OR11L1: variants seen among roughly 807,000 people sequenced by gnomAD.
The protein encoded by OR11L1 is olfactory receptor family 11 subfamily L member 1.
For synonymous variants in OR11L1, 164 were observed against 159.1 expected, an observed-to-expected ratio of 1.03 and a Z score of -0.23; for missense variants, 397 against 392.7, an observed-to-expected ratio of 1.01 and a Z score of -0.09.
At position 247,841,800 on chromosome 1, in the gene OR11L1, G is replaced by A; in HGVS notation, c.97C>T (p.Leu33Phe). The A allele has an allele frequency of 6.2e-7, 1 of 1,614,134 alleles. No individual in the cohort carries two copies. The highest frequency in any genetic ancestry group is 8.5e-7 in the Non-Finnish European group (1 of 1,180,024). Residue 33 changes from leucine to phenylalanine, a missense_variant, in exon 1 of 1, where the codon CTC (leucine) becomes TTC (phenylalanine). Coordinates refer to ENST00000355784, the MANE Select transcript of OR11L1 (RefSeq NM_001001959.1). ...CCTATAATGGTCAGGCAGTAGATGAGCAGGAAAATGACAAAGAGCAGGGCC... is the reference window on the plus strand; with the variant it reads ...CCTATAATGGTCAGGCAGTAGATGAACAGGAAAATGACAAAGAGCAGGGCC... ...WQALLFVIFL[L>F]IYCLTIIGNV...
chr1:247,841,221 A>C lies in OR11L1; in HGVS notation c.676T>G (p.Leu226Val). The change falls in exon 1 of 1, where the codon TTG (leucine) becomes GTG (valine). Residue 226 changes from leucine (L) to valine (V), a missense_variant. Physicochemically the swap from Leu to Val is conservative, Grantham distance 32. Coordinates refer to ENST00000355784, the MANE Select transcript of OR11L1 (RefSeq NM_001001959.1). ...CGGCCAGAGGTGGAAGGGATTCTCAATATGGAGGACACAATGAAAACATAG... is the reference window on the plus strand; with the variant it reads ...CGGCCAGAGGTGGAAGGGATTCTCACTATGGAGGACACAATGAAAACATAG... Reference protein sequence around the residue: ...GPYVFIVSSILRIPSTSGRRK... With the variant: ...GPYVFIVSSIVRIPSTSGRRK... The C allele has an allele frequency of 6.2e-7, 1 of 1,614,208 alleles. No homozygotes were observed.
At position 247,841,397 on chromosome 1, in the gene OR11L1, T is replaced by C. The variant is rs773344770; in HGVS notation, c.500A>G (p.Asp167Gly). Residue 167 changes from aspartate (D) to glycine (G), a missense_variant, in exon 1 of 1, where the codon GAC (aspartate) becomes GGC (glycine). Physicochemically the swap from Asp to Gly is moderately conservative, Grantham distance 94 (BLOSUM62 -1). Coordinates refer to ENST00000355784, the MANE Select transcript of OR11L1 (RefSeq NM_001001959.1). ...GTTAATCTGATTGCGCCCACAGAAG[T>C]CCAACCTGGAAATCATCAGGGAAGG... is the stretch of plus-strand genomic sequence containing the variant. ...FLPSLMISRL[D>G]FCGRNQINHF... The C allele has an allele frequency of 6.2e-7, 1 of 1,613,942 alleles. No homozygotes were observed.
rs1295138865 is a variant in OR11L1, at chr1:247,841,526, A to C, written c.371T>G (p.Leu124Arg). 4 of 1,614,018 alleles carry C rather than the reference A, an allele frequency of 2.5e-6. No individual in the cohort carries two copies. Among genetic ancestry groups the C allele is most frequent in the Non-Finnish European group, 3.4e-6 (4 of 1,179,944 alleles). ...GTAGCGGAGTGGGCTGCAGATGGCC[A>C]GGTAACGGTCATAGGCCATGAAGGC... ...LLAFMAYDRY[L>R]AICSPLRYPF... The change falls in exon 1 of 1, where the codon CTG becomes CGG. Residue 124 changes from leucine to arginine, a missense_variant. By Grantham distance (102) the Leu-to-Arg change is moderately radical. Coordinates refer to ENST00000355784, the MANE Select transcript of OR11L1 (RefSeq NM_001001959.1).
Position 247,841,700 on chromosome 1 carries a change from A to T in OR11L1, c.197T>A (p.Leu66His). ...CGTGTACCAGACCTCCAGAAAGGAGAGATGCTGGAGGAACATGTACATAGG... is the reference window on the plus strand; with the variant it reads ...CGTGTACCAGACCTCCAGAAAGGAGTGATGCTGGAGGAACATGTACATAGG... ...HSPMYMFLQH[L>H]SFLEVWYTST... The change falls in exon 1 of 1, where the codon CTC (leucine) becomes CAC (histidine). Residue 66 changes from leucine to histidine, a missense_variant. Physicochemically the swap from Leu to His is moderately conservative, Grantham distance 99. Coordinates refer to ENST00000355784, the MANE Select transcript of OR11L1 (RefSeq NM_001001959.1). 6.2e-7 allele frequency: 1 copy of T among 1,614,090 alleles called. No homozygotes were observed. The highest frequency in any genetic ancestry group is 1.3e-5 in the African/African-American group (1 of 75,048).
In OR11L1 at chr1:247,841,408, A is replaced by C. The variant is rs1372878880; in HGVS notation, c.489T>G (p.Ile163Met). Residue 163 changes from isoleucine (I) to methionine (M), a missense_variant, in exon 1 of 1, where the codon ATT becomes ATG. Physicochemically the swap from Ile to Met is conservative, Grantham distance 10. Transcript: ENST00000355784. ...TGCGCCCACAGAAGTCCAACCTGGA[A>C]ATCATCAGGGAAGGCAGAAAGCCTG... ...VSTGFLPSLM[I>M]SRLDFCGRNQ... is the part of the protein sequence containing the mutation. The C allele has an allele frequency of 1.2e-6, 2 of 1,614,190 alleles. No individual in the cohort carries two copies. The highest frequency in any genetic ancestry group is 1.1e-5 in the South Asian group (1 of 91,086).
Position 247,841,663 on chromosome 1 carries a change from C to T in OR11L1, c.234G>A (p.Val78=). The change falls in exon 1 of 1, where the codon GTG becomes GTA. Residue 78 remains valine, a synonymous_variant. Transcript: ENST00000355784. The part of the protein sequence containing the change: ...FLEVWYTSTT[V]PLLLANLLSW... ...ACAGCAGGTTGGCTAGGAGAAGGGG[C>T]ACAGTGGTGGACGTGTACCAGACCT... The T allele has an allele frequency of 1.9e-6, 3 of 1,614,104 alleles. No individual in the cohort carries two copies. The highest frequency in any genetic ancestry group is 1.1e-5 in the South Asian group (1 of 91,074).
chr1:247,841,443 C>T lies in OR11L1; in HGVS notation c.454G>A (p.Gly152Arg), dbSNP rs200231160. 1.9e-6 allele frequency: 3 copies of T among 1,614,072 alleles called. No homozygotes were observed. The African/African-American group carries it at 4.0e-5, about 22-fold the overall frequency. ...GAAGGCAGAAAGCCTGTGCTGACCC[C>T]TGTGCACCAGGAGACCACCACCAAC... ...ARLVVVSWCT[G>R]VSTGFLPSLM... Residue 152 changes from glycine to arginine, a missense_variant, in exon 1 of 1, where the codon GGG becomes AGG. Coordinates refer to ENST00000355784, the MANE Select transcript of OR11L1 (RefSeq NM_001001959.1).
rs1558342443 is a variant in OR11L1, at chr1:247,841,518, AG to A, written c.378del (p.Cys127AlafsTer35). ...AFMAYDRYLA[I>X]CSPLRYPFLM... ...AGGAAGGGGTAGCGGAGTGGGCTGCAGATGGCCAGGTAACGGTCATAGGCCA... is the reference window on the plus strand; with the variant it reads ...AGGAAGGGGTAGCGGAGTGGGCTGCAATGGCCAGGTAACGGTCATAGGCCA... On this transcript the variant is annotated frameshift_variant, in exon 1 of 1. Transcript: ENST00000355784. LOFTEE classifies it low-confidence loss of function (END_TRUNC). 1 of 1,614,112 alleles carries A rather than the reference AG, an allele frequency of 6.2e-7. No homozygotes were observed. Among genetic ancestry groups the A allele is most frequent in the African/African-American group, 1.3e-5 (1 of 75,042 alleles).
At position 247,841,276 on chromosome 1, in the gene OR11L1, C is replaced by T. The variant is rs1207565511; in HGVS notation, c.621G>A (p.Leu207=). The T allele has an allele frequency of 1.2e-6, 2 of 1,614,050 alleles. No homozygotes were observed. Among genetic ancestry groups the T allele is most frequent in the East Asian group, 4.5e-5 (2 of 44,894 alleles). Residue 207 remains leucine, a synonymous_variant, in exon 1 of 1, where the codon CTG becomes CTA. Transcript: ENST00000355784. The stretch of plus-strand genomic sequence containing the variant: ...CCAGTGTCAGAAAAAAACAAATGCA[C>T]AGCACGGCAATTGACAGGATGAAGA... ...VTIFILSIAV[L]CICFFLTLGP... is the part of the protein sequence containing the mutation.
At position 247,841,657 on chromosome 1, in the gene OR11L1, A is replaced by G. The variant is rs765527806; in HGVS notation, c.240T>C (p.Leu80=). ...EVWYTSTTVP[L]LLANLLSWGQ... ...CCCAGGACAGCAGGTTGGCTAGGAG[A>G]AGGGGCACAGTGGTGGACGTGTACC... The change falls in exon 1 of 1, where the codon CTT becomes CTC. Residue 80 remains leucine, a synonymous_variant. Transcript: ENST00000355784. 5 of 1,613,984 alleles carry G rather than the reference A, an allele frequency of 3.1e-6. No individual in the cohort carries two copies. The highest frequency in any genetic ancestry group is 4.2e-6 in the Non-Finnish European group (5 of 1,180,020).
chr1:247,841,004 T>C lies in OR11L1; in HGVS notation c.893A>G (p.Lys298Arg). 1.9e-6 allele frequency: 3 copies of C among 1,614,166 alleles called. No homozygotes were observed. Among genetic ancestry groups the C allele is most frequent in the Non-Finnish European group, 2.5e-6 (3 of 1,179,970 alleles). Residue 298 changes from lysine to arginine, a missense_variant, in exon 1 of 1, where the codon AAA becomes AGA. Physicochemically the swap from Lys to Arg is conservative, Grantham distance 26. Transcript: ENST00000355784. ...VIYSLRNKDFKEAVRKVMRRK... is the reference protein window; with the variant it reads ...VIYSLRNKDFREAVRKVMRRK... ...TCTCATGACCTTTCTAACAGCTTCT[T>C]TGAAGTCTTTGTTCCTCAAGCTGTA...
Position 247,841,830 on chromosome 1 carries a change from A to C in OR11L1, c.67T>G (p.Trp23Gly). The change falls in exon 1 of 1, where the codon TGG becomes GGG. Residue 23 changes from tryptophan (W) to glycine (G), a missense_variant. Coordinates refer to ENST00000355784, the MANE Select transcript of OR11L1 (RefSeq NM_001001959.1). ...QLLGFQNLLE[W>G]QALLFVIFLL... is the part of the protein sequence containing the mutation. Reference sequence around the variant, plus strand: ...AAAATGACAAAGAGCAGGGCCTGCCATTCAAGAAGGTTCTGGAATCCTAAC... The same window carrying C: ...AAAATGACAAAGAGCAGGGCCTGCCCTTCAAGAAGGTTCTGGAATCCTAAC... 1 of 1,614,152 alleles carries C rather than the reference A, an allele frequency of 6.2e-7. No homozygotes were observed. The highest frequency in any genetic ancestry group is 8.5e-7 in the Non-Finnish European group (1 of 1,180,002).
Position 247,841,101 on chromosome 1 carries a change from G to T in OR11L1, c.796C>A (p.Leu266Met). The T allele has an allele frequency of 6.2e-7, 1 of 1,614,178 alleles. No homozygotes were observed. Among genetic ancestry groups the T allele is most frequent in the Non-Finnish European group, 8.5e-7 (1 of 1,180,010 alleles). ...ATGATCTTGTTGATTTCAGGCAACA[G>T]GTGGGGACTGGGACACACATACATG... The part of the protein sequence containing the change: ...ISMYVCPSPH[L>M]LPEINKIISV... The change falls in exon 1 of 1, where the codon CTG (leucine) becomes ATG (methionine). Residue 266 changes from leucine to methionine, a missense_variant. Coordinates refer to ENST00000355784, the MANE Select transcript of OR11L1 (RefSeq NM_001001959.1).
rs541350033 is a variant in OR11L1 at position 247,841,095 on chromosome 1, G to A, written c.802C>T (p.Pro268Ser). Residue 268 changes from proline to serine, a missense_variant, in exon 1 of 1, where the codon CCT becomes TCT. Pro to Ser is a moderately conservative substitution (Grantham distance 74). Transcript: ENST00000355784. The part of the protein sequence containing the change: ...MYVCPSPHLL[P>S]EINKIISVFY... ...ACAGAAATGATCTTGTTGATTTCAGGCAACAGGTGGGGACTGGGACACACA... is the reference window on the plus strand; with the variant it reads ...ACAGAAATGATCTTGTTGATTTCAGACAACAGGTGGGGACTGGGACACACA... The A allele has an allele frequency of 1.2e-6, 2 of 1,614,112 alleles. No individual in the cohort carries two copies. The highest frequency in any genetic ancestry group is 1.3e-5 in the African/African-American group (1 of 75,048).
chr1:247,841,031 A>T lies in OR11L1; in HGVS notation c.866T>A (p.Ile289Asn). 1 of 1,614,226 alleles carries T rather than the reference A, an allele frequency of 6.2e-7. No individual in the cohort carries two copies. Among genetic ancestry groups the T allele is most frequent in the Non-Finnish European group, 8.5e-7 (1 of 1,180,032 alleles). Residue 289 changes from isoleucine (I) to asparagine (N), a missense_variant, in exon 1 of 1, where the codon ATC becomes AAC. Physicochemically the swap from Ile to Asn is moderately radical, Grantham distance 149. Coordinates refer to ENST00000355784, the MANE Select transcript of OR11L1 (RefSeq NM_001001959.1). ...TVVTPLLNPV[I>N]YSLRNKDFKE... ...GAAGTCTTTGTTCCTCAAGCTGTAG[A>T]TAACTGGGTTCAGCAGTGGTGTGAC... is the stretch of plus-strand genomic sequence containing the variant.
Position 247,841,011 on chromosome 1 carries a change from CT to C in OR11L1, c.885del (p.Asp296ThrfsTer10), listed in dbSNP as rs1558342106. 6.2e-7 allele frequency: 1 copy of C among 1,614,134 alleles called. No homozygotes were observed. Among genetic ancestry groups the C allele is most frequent in the Non-Finnish European group, 8.5e-7 (1 of 1,179,978 alleles). ...LNPVIYSLRN[K>X]DFKEAVRKVM... is the part of the protein sequence containing the mutation. Reference sequence around the variant, plus strand: ...ACCTTTCTAACAGCTTCTTTGAAGTCTTTGTTCCTCAAGCTGTAGATAACTG... The same window carrying C: ...ACCTTTCTAACAGCTTCTTTGAAGTCTTGTTCCTCAAGCTGTAGATAACTG... On this transcript the variant is annotated frameshift_variant, in exon 1 of 1. Transcript: ENST00000355784. LOFTEE classifies it low-confidence loss of function (END_TRUNC).
At position 247,841,398 on chromosome 1, in the gene OR11L1, C is replaced by T; in HGVS notation, c.499G>A (p.Asp167Asn). ...FLPSLMISRL[D>N]FCGRNQINHF... is the part of the protein sequence containing the mutation. ...TTAATCTGATTGCGCCCACAGAAGT[C>T]CAACCTGGAAATCATCAGGGAAGGC... Residue 167 changes from aspartate (D) to asparagine (N), a missense_variant, in exon 1 of 1, where the codon GAC (aspartate) becomes AAC (asparagine). Coordinates refer to ENST00000355784, the MANE Select transcript of OR11L1 (RefSeq NM_001001959.1). 1 of 1,614,168 alleles carries T rather than the reference C, an allele frequency of 6.2e-7. No individual in the cohort carries two copies. Among genetic ancestry groups the T allele is most frequent in the African/African-American group, 1.3e-5 (1 of 75,038 alleles).
At position 247,841,197 on chromosome 1, in the gene OR11L1, G is replaced by C; in HGVS notation, c.700C>G (p.Arg234Gly). 6.2e-7 allele frequency: 1 copy of C among 1,614,130 alleles called. No homozygotes were observed. Among genetic ancestry groups the C allele is most frequent in the Middle Eastern group, 1.6e-4 (1 of 6,062 alleles). Residue 234 changes from arginine to glycine, a missense_variant, in exon 1 of 1, where the codon CGG (arginine) becomes GGG (glycine). Coordinates refer to ENST00000355784, the MANE Select transcript of OR11L1 (RefSeq NM_001001959.1). ...SILRIPSTSG[R>G]RKTFSTCGSH... The stretch of plus-strand genomic sequence containing the variant: ...CCACATGTGGAAAAGGTCTTTCTCC[G>C]GCCAGAGGTGGAAGGGATTCTCAAT...
At position 247,841,165 on chromosome 1, in the gene OR11L1, G is replaced by T. The variant is rs1035849674; in HGVS notation, c.732C>A (p.His244Gln). ...CGTAGTAGAGAGTGACAACAGCCAGGTGGGAGCCACATGTGGAAAAGGTCT... is the reference window on the plus strand; with the variant it reads ...CGTAGTAGAGAGTGACAACAGCCAGTTGGGAGCCACATGTGGAAAAGGTCT... ...RRKTFSTCGS[H>Q]LAVVTLYYGT... The change falls in exon 1 of 1, where the codon CAC (histidine) becomes CAA (glutamine). Residue 244 changes from histidine (H) to glutamine (Q), a missense_variant. By Grantham distance (24) the His-to-Gln change is conservative. Transcript: ENST00000355784. 1 of 1,614,052 alleles carries T rather than the reference G, an allele frequency of 6.2e-7. No homozygotes were observed. The highest frequency in any genetic ancestry group is 8.5e-7 in the Non-Finnish European group (1 of 1,180,038).
Sources: allele counts gnomAD v4.1 joint callset, GRCh38; gene constraint gnomAD v4.1.1; transcripts MANE v1.5; gene names NCBI Gene and HGNC (gene_info 2026-07-23, HGNC 2026-07-21).